IL16: variants seen among roughly 807,000 people sequenced by gnomAD.
IL16 encodes interleukin 16.
A neutral mutation model predicts 110.1 loss-of-function variants in IL16; 67 were observed. That is an observed-to-expected ratio of 0.61 (90% CI 0.50 to 0.75). The LOEUF is 0.75. Among genes scored for constraint, IL16 ranks in the 30% least tolerant of loss-of-function variants. The pLI, the probability that IL16 is intolerant of heterozygous loss-of-function variation, is 0.00. For synonymous variants in IL16, 689 were observed against 662.9 expected (o/e 1.04, Z -0.61); for missense variants, 1,545 against 1,655.0 (o/e 0.93, Z 1.15).
At chr15:81,222,301 C>T (rs1354209487) in intron 1 of IL16, among the ~76,000 whole-genome samples, 3 of 151,324 alleles carry the variant, frequency 2.0e-5, no homozygotes, top group Admixed American at 6.6e-5. Flanking sequence ...AAAACCCTCT[C>T]GGCCCTTGGA....
chr15:81,271,766 A>G (rs1331728049), intron 5 of IL16, among the ~76,000 whole-genome samples: 1 of 152,130 alleles, frequency 6.6e-6, no homozygotes, highest in African/African-American at 2.4e-5. Context: ...ACTCCCGGAC[A>G]CCATTTGTCC....
rs539657772 is a variant in IL16, at chr15:81,235,706, G to A, written c.312+9995G>A. On this transcript the variant is annotated intron_variant, in intron 2 of 18. Coordinates refer to ENST00000683961, the MANE Select transcript of IL16 (RefSeq NM_172217.5). ...GAACCCCATGTTTTACGACACGGTG[G>A]AGCACAGAACTGAATGAGACTGGGA... 2.0e-5 allele frequency among the ~76,000 whole-genome samples: 3 copies of A among 152,266 alleles called. No individual in the cohort carries two copies. The East Asian group carries it at 5.8e-4, about 29-fold the overall frequency.
intron 5 of IL16, 101 bp downstream of exon 5, chr15:81,269,749 T>C: frequency 2.5e-6 from 2 of 788,868 alleles, no homozygotes; most frequent in African/African-American, 1.7e-5. Context: ...TACTGGGGTG[T>C]CCTGGCGCAT....
chr15:81,302,974 C>A (rs1178699461), intron 15 of IL16, among the ~76,000 whole-genome samples: 2 of 151,938 alleles, frequency 1.3e-5, no homozygotes, highest in South Asian at 2.1e-4. Context: ...TGTGTCCTGG[C>A]TCCATGGGAG....
chr15:81,207,077 C>A lies in IL16; in HGVS notation c.-102+9925C>A, dbSNP rs539879012. ...TGAAACCCCGTCTCTACTAAAAAAA[C>A]CACAAAAAATTAGCCAGGCGTGGTG... On this transcript the variant is annotated intron_variant, in intron 1 of 18. Coordinates refer to ENST00000683961, the MANE Select transcript of IL16 (RefSeq NM_172217.5). 6.8e-4 allele frequency among the ~76,000 whole-genome samples: 101 copies of A among 148,726 alleles called. 1 individual carries two copies. In the South Asian group the frequency reaches 6.8e-3, roughly 10 times the overall value.
intron 1 of IL16, among the ~76,000 whole-genome samples, chr15:81,201,104 C>T (rs2141953757): frequency 6.6e-6 from 1 of 152,228 alleles, no homozygotes; most frequent in South Asian, 2.1e-4. Flanking sequence ...AATGCATCCC[C>T]TGCATTGAGC....
intron 2 of IL16, among the ~76,000 whole-genome samples, chr15:81,236,480 G>T (rs1897179466): frequency 6.6e-6 from 1 of 152,234 alleles, no homozygotes; most frequent in Non-Finnish European, 1.5e-5. Flanking sequence ...CTGCCCACAG[G>T]TATGATTAAT....
At chr15:81,265,276 C>A (rs2142213219) in intron 3 of IL16, among the ~76,000 whole-genome samples, 1 of 152,246 alleles carries the variant, frequency 6.6e-6, no homozygotes, top group Admixed American at 6.5e-5. Flanking sequence ...CCTCGGAAAC[C>A]TTTGTGTTTT....
chr15:81,197,387 G>T (rs78502018), intron 1 of IL16, among the ~76,000 whole-genome samples: 6,494 of 152,236 alleles, frequency 0.043, 474 homozygotes, highest in African/African-American at 0.15. Flanking sequence ...GGCCAGAGCG[G>T]GCAGAGGGAT....
intron 8 of IL16, 83 bp downstream of exon 8, chr15:81,279,857 C>A: frequency 8.5e-7 from 1 of 1,171,210 alleles, no homozygotes; most frequent in Non-Finnish European, 1.3e-6. Context: ...TGGAATCAGT[C>A]CAGAGGTAGG....
chr15:81,282,054 A>G (rs1413396171), intron 8 of IL16, among the ~76,000 whole-genome samples: 1 of 152,314 alleles, frequency 6.6e-6, no homozygotes, highest in Admixed American at 6.5e-5. Flanking sequence ...CTGACATGCC[A>G]TTGTTGACAC....
chr15:81,256,640 A>G (rs8028334), intron 2 of IL16, among the ~76,000 whole-genome samples: 36,089 of 152,132 alleles, frequency 0.24, 4,964 homozygotes, highest in African/African-American at 0.37. Flanking sequence ...CACCGCACCC[A>G]GACTCTACAT....
intron 6 of IL16, among the ~76,000 whole-genome samples, chr15:81,275,710 T>C (rs1244631066): frequency 6.6e-6 from 1 of 152,188 alleles, no homozygotes; most frequent in Non-Finnish European, 1.5e-5. Context: ...GAGTCAAGAC[T>C]CTCAGCTAGT....
intron 1 of IL16, among the ~76,000 whole-genome samples, chr15:81,190,428 C>G (rs1895481620): frequency 6.6e-6 from 1 of 152,218 alleles, no homozygotes. Context: ...GCTTTTGTTA[C>G]AAGGACAAGA....
intron 1 of IL16, among the ~76,000 whole-genome samples, chr15:81,203,484 G>T (rs1895897373): frequency 6.6e-6 from 1 of 151,802 alleles, no homozygotes; most frequent in Non-Finnish European, 1.5e-5. Flanking sequence ...AATCCATCTT[G>T]AATTAATTTT....
Position 81,309,064 on chromosome 15 carries a change from C to T in IL16, c.*266C>T, listed in dbSNP as rs537706206. On this transcript the variant is annotated 3_prime_UTR_variant, in exon 19 of 19. Coordinates refer to ENST00000683961, the MANE Select transcript of IL16 (RefSeq NM_172217.5). ...GCTTAATGATAATATTGTGGTGCCACAAATAAAATGGATTTATTAGAATTT... is the reference window on the plus strand; with the variant it reads ...GCTTAATGATAATATTGTGGTGCCATAAATAAAATGGATTTATTAGAATTT... The T allele has an allele frequency of 5.9e-4, 218 of 368,588 alleles. No individual in the cohort carries two copies. Among genetic ancestry groups the T allele is most frequent in the Middle Eastern group, 5.0e-3 (7 of 1,404 alleles). The allele number at this position is 368,588 out of a possible 1,614,324, so 22.8% of individuals were successfully genotyped here.
intron 2 of IL16, among the ~76,000 whole-genome samples, chr15:81,239,069 A>T: frequency 6.8e-6 from 1 of 146,728 alleles, no homozygotes. Flanking sequence ...CTTCATCTTT[A>T]GTTTTTAGAA....
intron 5 of IL16, among the ~76,000 whole-genome samples, chr15:81,270,696 A>G (rs867878810): frequency 1.3e-5 from 2 of 152,204 alleles, no homozygotes; most frequent in South Asian, 4.1e-4. Flanking sequence ...AATTGTTTGC[A>G]GTGCCCAAAA....
Position 81,273,081 on chromosome 15 carries a change from T to G in IL16, c.676-9T>G. On this transcript the variant is annotated splice_polypyrimidine_tract_variant and intron_variant, in intron 5 of 18. Coordinates refer to ENST00000683961, the MANE Select transcript of IL16 (RefSeq NM_172217.5). ...ACCCCTAAATCAGACCTTCTCTTTTTTTCCCCAGGGTCTGGGCTTCAGCAT... is the reference window on the plus strand; with the variant it reads ...ACCCCTAAATCAGACCTTCTCTTTTGTTCCCCAGGGTCTGGGCTTCAGCAT... 1.2e-6 allele frequency: 2 copies of G among 1,608,934 alleles called. No homozygotes were observed. The highest frequency in any genetic ancestry group is 1.7e-6 in the Non-Finnish European group (2 of 1,175,802).
Sources: allele counts gnomAD v4.1 joint callset (sites outside exome capture counted in the v4.1 genomes callset), GRCh38; gene constraint gnomAD v4.1.1; transcripts MANE v1.5; gene names NCBI Gene and HGNC (gene_info 2026-07-23, HGNC 2026-07-21).